Variants in OTUD7B observed in about 807,000 individuals in gnomAD.
OTUD7B encodes the protein OTU domain-containing protein 7B.
OTUD7B carries 34 observed loss-of-function variants against 82.2 expected under a neutral mutation model. The ratio of observed to expected loss-of-function variants is 0.41; its 90% CI spans 0.31 to 0.55. OTUD7B has a LOEUF of 0.55. Among genes scored for constraint, OTUD7B ranks in the 20% least tolerant of loss-of-function variants. The pLI is 0.20. For synonymous variants in OTUD7B, 398 were observed against 402.7 expected (o/e 0.99, Z 0.14); for missense variants, 944 against 1,062.1 (o/e 0.89, Z 1.55).
chr1:150,051,062 C>T, the OTUD7B span, among the ~76,000 whole-genome samples: 12 of 151,798 alleles, frequency 7.9e-5, no homozygotes, highest in African/African-American at 2.9e-4. Flanking sequence ...AACCCTGTCT[C>T]TACTAAAAAT....
At chr1:150,057,477 T>C in the OTUD7B span, among the ~76,000 whole-genome samples, 2 of 152,232 alleles carry the variant, frequency 1.3e-5, no homozygotes, top group Admixed American at 1.3e-4. Context: ...AATTGGTAAG[T>C]TCTCCCATGA....
At chr1:150,033,783 G>A in the OTUD7B span, among the ~76,000 whole-genome samples, 12 of 152,032 alleles carry the variant, frequency 7.9e-5, no homozygotes, top group African/African-American at 1.7e-4. Flanking sequence ...GTATAGTGGC[G>A]CGAACTTGGC....
chr1:150,022,470 A>G, the OTUD7B span, among the ~76,000 whole-genome samples: 2 of 151,526 alleles, frequency 1.3e-5, no homozygotes, highest in African/African-American at 4.9e-5. Flanking sequence ...CTGAGAGAGC[A>G]ACTCCAGCCG....
chr1:150,050,772 T>C, the OTUD7B span, among the ~76,000 whole-genome samples: 3 of 152,032 alleles, frequency 2.0e-5, no homozygotes, highest in Non-Finnish European at 4.4e-5. Context: ...CTGTTCTTGG[T>C]GATTCAAGGG....
intron 1 of OTUD7B, among the ~76,000 whole-genome samples, chr1:149,979,547 A>G (rs1650571785): frequency 1.3e-5 from 2 of 152,240 alleles, no homozygotes; most frequent in South Asian, 4.1e-4. Flanking sequence ...ATCTTTGACT[A>G]TCATTCTAGA....
the OTUD7B span, among the ~76,000 whole-genome samples, chr1:150,024,941 G>C: frequency 1.3e-5 from 2 of 152,142 alleles, no homozygotes; most frequent in South Asian, 4.2e-4. Flanking sequence ...CCAGCTACTC[G>C]GGAGGCTGAG....
chr1:149,955,009 G>A (rs1423265973), intron 7 of OTUD7B, among the ~76,000 whole-genome samples: 5 of 152,062 alleles, frequency 3.3e-5, no homozygotes, highest in Non-Finnish European at 4.4e-5. Context: ...TGGATTCATT[G>A]ATTTTTTGAA....
chr1:149,991,393 T>TA (rs1167976699), intron 1 of OTUD7B, among the ~76,000 whole-genome samples: 3 of 152,340 alleles, frequency 2.0e-5, no homozygotes, highest in African/African-American at 7.2e-5. Flanking sequence ...TTTATGCACA[T>TA]AAAATTAGTT....
intron 1 of OTUD7B, among the ~76,000 whole-genome samples, chr1:149,995,790 C>T (rs1651884610): frequency 6.6e-6 from 1 of 152,070 alleles, no homozygotes; most frequent in Non-Finnish European, 1.5e-5. Context: ...CCACACATCC[C>T]AGGTATGGCA....
At chr1:149,998,507 C>T (rs1045298962) in intron 1 of OTUD7B, among the ~76,000 whole-genome samples, 6 of 152,234 alleles carry the variant, frequency 3.9e-5, no homozygotes, top group African/African-American at 1.4e-4. Flanking sequence ...GCTCAGCTCA[C>T]TGGTTCTCCA....
At chr1:149,949,965 TC>T (rs1553772969) in intron 8 of OTUD7B, 128 bp downstream of exon 8, 20 of 1,376,380 alleles carry the variant, frequency 1.5e-5, no homozygotes, top group Non-Finnish European at 2.0e-5. Context: ...TTTGCACTAT[TC>T]TAATTGATAA....
rs1317653117 is a variant in OTUD7B at position 149,938,460 on chromosome 1, CAAAAAAAAAAAAA to C, written c.*5384_*5396del. The C allele has an allele frequency of 1.6e-3, 2 of 1,276 alleles. No individual in the cohort carries two copies. Among genetic ancestry groups the C allele is most frequent in the Non-Finnish European group, 2.4e-3 (2 of 820 alleles). The allele number at this position is 1,276 out of a possible 1,614,324, so 0.1% of individuals were successfully genotyped here. A position where few individuals can be genotyped will look rare whatever the true frequency, so the allele number is the denominator to read the frequency against. ...TGGGCAACAGAGCAAGACTCCATCG[CAAAAAAAAAAAAA>C]AAAAAAAAGACATAGGAAGAGGTGT... is the stretch of plus-strand genomic sequence containing the variant. On this transcript the variant is annotated 3_prime_UTR_variant, in exon 12 of 12. Coordinates refer to ENST00000581312, the MANE Select transcript of OTUD7B (RefSeq NM_020205.4).
rs376470490 is a variant in OTUD7B, at chr1:149,964,404, G to T, written c.605-55C>A. ...CCTCAGCTTGACTCTGCTAATTTTT[G>T]TATTTTTAGTAGAGATGGGGTTTCA... On this transcript the variant is annotated intron_variant, in intron 5 of 11. Coordinates refer to ENST00000581312, the MANE Select transcript of OTUD7B (RefSeq NM_020205.4). 1.2e-4 allele frequency: 190 copies of T among 1,570,052 alleles called. 2 individuals carry two copies. In the African/African-American group the frequency reaches 2.3e-3, roughly 19 times the overall value.
chr1:150,006,637 A>G (rs142523753), intron 1 of OTUD7B, among the ~76,000 whole-genome samples: 2 of 152,360 alleles, frequency 1.3e-5, no homozygotes, highest in East Asian at 3.9e-4. Flanking sequence ...ATTACCTACA[A>G]CAGTGCTCCC....
At chr1:150,059,192 T>C in the OTUD7B span, among the ~76,000 whole-genome samples, 1 of 149,052 alleles carries the variant, frequency 6.7e-6, no homozygotes, top group African/African-American at 2.5e-5. Flanking sequence ...TAGCTGGGAT[T>C]ACAGGTGCCT....
the OTUD7B span, among the ~76,000 whole-genome samples, chr1:150,030,157 C>T: frequency 2.0e-5 from 3 of 152,168 alleles, no homozygotes; most frequent in South Asian, 2.1e-4. Context: ...TTCCTTCAGT[C>T]ACGATTCTAA....
chr1:149,996,242 T>A (rs1184140417), intron 1 of OTUD7B, among the ~76,000 whole-genome samples: 1 of 152,202 alleles, frequency 6.6e-6, no homozygotes, highest in Non-Finnish European at 1.5e-5. Flanking sequence ...CTGTCCAGTT[T>A]ATACCCAGGT....
At chr1:150,058,304 C>T in the OTUD7B span, among the ~76,000 whole-genome samples, 1 of 152,012 alleles carries the variant, frequency 6.6e-6, no homozygotes, top group African/African-American at 2.4e-5. Context: ...TCCAGGAGTT[C>T]GAGATCAGCC....
intron 6 of OTUD7B, among the ~76,000 whole-genome samples, chr1:149,960,262 A>G (rs377395824): frequency 3.3e-5 from 5 of 151,222 alleles, no homozygotes; most frequent in Admixed American, 2.0e-4. Context: ...TGTGTCAATG[A>G]TTTTCACCTT....
Sources: gnomAD v4.1 joint callset for allele counts (sites outside exome capture counted in the v4.1 genomes callset) on GRCh38, gnomAD v4.1.1 for gene constraint, MANE v1.5 for transcripts, NCBI Gene and HGNC (gene_info 2026-07-23, HGNC 2026-07-21) for gene names.